Variants in KATNAL2 observed in about 807,000 individuals in gnomAD.
KATNAL2 encodes katanin catalytic subunit A1 like 2, also known as katanin p60 ATPase-containing subunit A-like 2.
Under a neutral mutation model 76.3 loss-of-function variants are expected in KATNAL2, and 52 were observed. The observed-to-expected ratio is 0.68, with a 90% CI of 0.55 to 0.86. The LOEUF (loss-of-function observed/expected upper bound fraction) is 0.86. KATNAL2 is among the 40% of genes least tolerant of loss of function. KATNAL2 has a pLI of 0.00. For missense variants in KATNAL2, 660 were observed against 668.9 expected, an observed-to-expected ratio of 0.99 and a Z score of 0.15; for synonymous variants, 243 against 244.2, an observed-to-expected ratio of 1.00 and a Z score of 0.05.
chr18:46,919,744 T>G (rs1489311269), intron 1 of KATNAL2, among the ~76,000 whole-genome samples: 6 of 152,212 alleles, frequency 3.9e-5, no homozygotes, highest in African/African-American at 1.4e-4. Context: ...TAGTTGGCCT[T>G]GTATTTGTTT....
At chr18:46,952,812 C>A (rs1555833817) in intron 3 of KATNAL2, among the ~76,000 whole-genome samples, 4 of 151,666 alleles carry the variant, frequency 2.6e-5, no homozygotes, top group Non-Finnish European at 5.9e-5. Context: ...TTCCTGCCTG[C>A]CTTTCTTTTT....
chr18:47,053,784 T>C (rs1381038855), intron 5 of KATNAL2, among the ~76,000 whole-genome samples: 5 of 152,162 alleles, frequency 3.3e-5, no homozygotes, highest in Admixed American at 3.3e-4. Context: ...CAAAGAGGTA[T>C]TTTATCTGAG....
At chr18:46,949,409 C>T (rs1236138795) in intron 3 of KATNAL2, among the ~76,000 whole-genome samples, 1 of 152,258 alleles carries the variant, frequency 6.6e-6, no homozygotes, top group East Asian at 1.9e-4. Flanking sequence ...TGTACCATCA[C>T]ACGTGGTTAA....
chr18:47,056,003 A>G (rs1569088846), intron 6 of KATNAL2, among the ~76,000 whole-genome samples: 2 of 152,232 alleles, frequency 1.3e-5, no homozygotes, highest in Non-Finnish European at 2.9e-5. Context: ...TATAGTTACT[A>G]AAATGAGACA....
intron 17 of KATNAL2, 102 bp from the exon 18 acceptor site, chr18:47,100,764 C>A: frequency 7.3e-7 from 1 of 1,371,338 alleles, no homozygotes; most frequent in Non-Finnish European, 1.0e-6. Flanking sequence ...ATTAAGAATG[C>A]TGCATTATGC....
chr18:47,061,240 T>TTTA (rs781673526), intron 8 of KATNAL2, among the ~76,000 whole-genome samples: 13 of 152,296 alleles, frequency 8.5e-5, no homozygotes, highest in African/African-American at 1.2e-4. Flanking sequence ...AGAAAAGAGA[T>TTTA]TTATTTGACT....
chr18:47,061,513 C>T (rs1483315778), intron 8 of KATNAL2, among the ~76,000 whole-genome samples: 1 of 152,184 alleles, frequency 6.6e-6, no homozygotes, highest in African/African-American at 2.4e-5. Context: ...AGGCCCACCT[C>T]CAACACTGGG....
At chr18:46,928,442 G>A (rs1000002092) in intron 1 of KATNAL2, among the ~76,000 whole-genome samples, 1 of 152,166 alleles carries the variant, frequency 6.6e-6, no homozygotes, top group Non-Finnish European at 1.5e-5. Context: ...CGTTCCTCTG[G>A]AAGTTTTGTT....
At chr18:46,961,946 C>A (rs7243664) in intron 3 of KATNAL2, among the ~76,000 whole-genome samples, 3,074 of 152,288 alleles carry the variant, frequency 0.02, 85 homozygotes, top group African/African-American at 0.069. Context: ...GAGCTACACA[C>A]TTGAATTTCA....
At chr18:47,032,312 T>C (rs925812621) in intron 3 of KATNAL2, among the ~76,000 whole-genome samples, 2 of 152,238 alleles carry the variant, frequency 1.3e-5, no homozygotes, top group African/African-American at 4.8e-5. Flanking sequence ...AGTGGAATGA[T>C]GAAGGGTCAC....
At chr18:47,046,620 T>G (rs1243497708) in intron 4 of KATNAL2, 93 bp downstream of exon 4, 2 of 891,348 alleles carry the variant, frequency 2.2e-6, no homozygotes, top group Non-Finnish European at 3.5e-6. Flanking sequence ...TAGACTTTCT[T>G]GTTTAGAGCA....
chr18:47,100,768 A>C, intron 17 of KATNAL2, 98 bp from the exon 18 acceptor site: 1 of 1,394,718 alleles, frequency 7.2e-7, no homozygotes, highest in Non-Finnish European at 1.0e-6. Context: ...AGAATGCTGC[A>C]TTATGCATTA....
chr18:47,035,311 G>C, intron 3 of KATNAL2: 1 of 1,610,538 alleles, frequency 6.2e-7, no homozygotes, highest in Non-Finnish European at 8.5e-7. Context: ...TCGCAGCTCT[G>C]TCTTTGGGGC....
chr18:47,087,091 C>G (rs1186019396), intron 15 of KATNAL2, among the ~76,000 whole-genome samples: 1 of 152,144 alleles, frequency 6.6e-6, no homozygotes, highest in African/African-American at 2.4e-5. Context: ...TTGTATCTAC[C>G]TTTCTGGTGA....
At chr18:46,961,807 G>A (rs753649841) in intron 3 of KATNAL2, among the ~76,000 whole-genome samples, 2 of 152,104 alleles carry the variant, frequency 1.3e-5, no homozygotes, top group Non-Finnish European at 2.9e-5. Context: ...TTTGATTTGG[G>A]CTTTCTGCTA....
intron 1 of KATNAL2, among the ~76,000 whole-genome samples, chr18:46,942,546 G>A (rs9948103): frequency 0.4 from 60,785 of 151,906 alleles, 12,623 homozygotes; most frequent in Middle Eastern, 0.52. Context: ...CCTTGGAGGC[G>A]GAGGTTGCAG....
At chr18:47,084,452 C>T (rs1256427887) in intron 15 of KATNAL2, 9 of 699,256 alleles carry the variant, frequency 1.3e-5, no homozygotes, top group Non-Finnish European at 2.3e-5. Flanking sequence ...GGTCAGCAAG[C>T]ATTGTGCAAA....
intron 5 of KATNAL2, among the ~76,000 whole-genome samples, chr18:47,053,896 C>T (rs1278546019): frequency 6.6e-6 from 1 of 152,186 alleles, no homozygotes; most frequent in African/African-American, 2.4e-5. Flanking sequence ...GTGATCAGCA[C>T]TGTTAGTGAC....
At chr18:47,069,650 TG>T in intron 13 of KATNAL2, 50 bp downstream of exon 13, 3 of 1,197,010 alleles carry the variant, frequency 2.5e-6, no homozygotes, top group Non-Finnish European at 1.2e-6. Context: ...TGTAATACAG[TG>T]GTACAAAATG....
Sources: gnomAD v4.1 joint callset for allele counts (sites outside exome capture counted in the v4.1 genomes callset) on GRCh38, gnomAD v4.1.1 for gene constraint, MANE v1.5 for transcripts, NCBI Gene and HGNC (gene_info 2026-07-23, HGNC 2026-07-21) for gene names.